Variants in PACRG observed in about 807,000 individuals in gnomAD.
PACRG encodes parkin coregulated, also known as parkin coregulated gene protein.
PACRG carries 29 observed loss-of-function variants against 29.7 expected under a neutral mutation model. The observed-to-expected ratio is 0.98, with a 90% CI of 0.73 to 1.33. PACRG has a LOEUF of 1.33. Among genes scored for constraint, PACRG ranks in the 40% most tolerant of loss-of-function variants. The pLI is 0.00. For missense variants in PACRG, 279 were observed against 316.2 expected (o/e 0.88, Z 0.89); for synonymous variants, 116 against 118.7 (o/e 0.98, Z 0.15).
At chr6:162,824,242 A>G (rs963245210) in intron 2 of PACRG, among the ~76,000 whole-genome samples, 1 of 152,134 alleles carries the variant, frequency 6.6e-6, no homozygotes, top group Non-Finnish European at 1.5e-5. Context: ...CAACTACTTC[A>G]AGGTAGCAGG....
At chr6:163,149,506 T>C (rs903709941) in intron 4 of PACRG, among the ~76,000 whole-genome samples, 1 of 152,134 alleles carries the variant, frequency 6.6e-6, no homozygotes, top group Admixed American at 6.5e-5. Flanking sequence ...CATGGGCTTT[T>C]CTATCCACCG....
Position 163,283,510 on chromosome 6 carries a change from C to T in PACRG, c.614-31317C>T, listed in dbSNP as rs566713287. 1.6e-4 allele frequency among the ~76,000 whole-genome samples: 24 copies of T among 152,298 alleles called. No individual in the cohort carries two copies. In the East Asian group the frequency reaches 4.6e-3, roughly 29 times the overall value. ...ATGTGTTAGGTTTTTCCAATAAAAA[C>T]AAATTTAGGGCCGGGCGCGGTGGCT... is the stretch of plus-strand genomic sequence containing the variant. On this transcript the variant is annotated intron_variant, in intron 4 of 4. Coordinates refer to ENST00000366888, the MANE Select transcript of PACRG (RefSeq NM_001080379.2).
intron 1 of PACRG, among the ~76,000 whole-genome samples, chr6:162,754,614 G>GTT (rs796664385): frequency 6.8e-6 from 1 of 146,748 alleles, no homozygotes; most frequent in African/African-American, 2.5e-5. Context: ...TTATAGTTAA[G>GTT]TTTTTTTTTT....
intron 3 of PACRG, among the ~76,000 whole-genome samples, chr6:163,080,215 T>C (rs970399458): frequency 2.0e-5 from 3 of 152,078 alleles, no homozygotes; most frequent in African/African-American, 7.3e-5. Flanking sequence ...TTCTTAGAAG[T>C]AGTGGTGCAT....
At chr6:162,760,337 A>G (rs890379228) in intron 1 of PACRG, among the ~76,000 whole-genome samples, 10 of 152,232 alleles carry the variant, frequency 6.6e-5, no homozygotes, top group African/African-American at 2.4e-4. Flanking sequence ...ACTACTGCAG[A>G]TGGAGTCAGC....
chr6:162,974,191 C>T (rs1432226739), intron 2 of PACRG, among the ~76,000 whole-genome samples: 1 of 152,188 alleles, frequency 6.6e-6, no homozygotes, highest in Non-Finnish European at 1.5e-5. Flanking sequence ...TGTCCTTTCT[C>T]ATTGCAGATG....
In PACRG at chr6:163,315,121, A is replaced by G. The variant is rs1785599191; in HGVS notation, c.*134A>G. The G allele has an allele frequency of 9.6e-7, 1 of 1,044,216 alleles. No individual in the cohort carries two copies. Among genetic ancestry groups the G allele is most frequent in the Non-Finnish European group, 1.4e-6 (1 of 723,754 alleles). The allele number at this position is 1,044,216 out of a possible 1,614,324, so 64.7% of individuals were successfully genotyped here. On this transcript the variant is annotated 3_prime_UTR_variant, in exon 5 of 5. Coordinates refer to ENST00000366888, the MANE Select transcript of PACRG (RefSeq NM_001080379.2). The stretch of plus-strand genomic sequence containing the variant: ...CTGCTAAAATAGTGGCTTATGGGCC[A>G]TTGGACTGTTAGCCCTATTGAGAGC...
intron 4 of PACRG, among the ~76,000 whole-genome samples, chr6:163,204,559 T>A (rs1290154485): frequency 6.6e-6 from 1 of 152,072 alleles, no homozygotes; most frequent in African/African-American, 2.4e-5. Flanking sequence ...CTGTAATGCA[T>A]GAAAGATCTA....
chr6:163,010,960 C>T (rs1159865490), intron 2 of PACRG, among the ~76,000 whole-genome samples: 36 of 152,210 alleles, frequency 2.4e-4, no homozygotes, highest in Non-Finnish European at 1.5e-5. Context: ...GGATCTGCTG[C>T]AGTGAGATGT....
At chr6:162,986,938 A>G (rs1159812979) in intron 2 of PACRG, among the ~76,000 whole-genome samples, 2 of 150,684 alleles carry the variant, frequency 1.3e-5, no homozygotes, top group Non-Finnish European at 3.0e-5. Flanking sequence ...TTTTTTTTCA[A>G]TTTTTTAAAG....
At chr6:163,090,608 C>G (rs1448219667) in intron 4 of PACRG, among the ~76,000 whole-genome samples, 5 of 152,122 alleles carry the variant, frequency 3.3e-5, no homozygotes. Context: ...TTGGAAAATA[C>G]TTATTTAAAC....
chr6:163,207,482 G>A (rs1205066926), intron 4 of PACRG, among the ~76,000 whole-genome samples: 2 of 152,148 alleles, frequency 1.3e-5, no homozygotes, highest in Non-Finnish European at 2.9e-5. Flanking sequence ...TCACATTTGT[G>A]CTCATTACAC....
chr6:163,308,002 T>C (rs1358521039), intron 4 of PACRG, among the ~76,000 whole-genome samples: 2 of 152,200 alleles, frequency 1.3e-5, no homozygotes, highest in Admixed American at 1.3e-4. Context: ...ACTATTTCTA[T>C]ATAGTAAATT....
intron 2 of PACRG, among the ~76,000 whole-genome samples, chr6:163,052,390 G>A (rs1351284981): frequency 6.6e-6 from 1 of 152,150 alleles, no homozygotes. Context: ...ATTGCTAATA[G>A]AAGCAAGGAT....
At chr6:163,262,796 C>G (rs1213478123) in intron 4 of PACRG, among the ~76,000 whole-genome samples, 1 of 151,520 alleles carries the variant, frequency 6.6e-6, no homozygotes, top group Non-Finnish European at 1.5e-5. Context: ...AATCCTAGCA[C>G]TTTGGGAGGC....
intron 2 of PACRG, among the ~76,000 whole-genome samples, chr6:162,871,174 A>G (rs1456254518): frequency 1.3e-5 from 2 of 152,186 alleles, no homozygotes; most frequent in Non-Finnish European, 2.9e-5. Flanking sequence ...CCTTTTAGGA[A>G]TTTCTTAATA....
At chr6:162,873,948 C>T (rs548209565) in intron 2 of PACRG, among the ~76,000 whole-genome samples, 2 of 152,154 alleles carry the variant, frequency 1.3e-5, no homozygotes, top group Middle Eastern at 3.4e-3. Context: ...TTTCAATAAA[C>T]GAAACCAAGC....
chr6:163,008,984 G>A (rs1000481846), intron 2 of PACRG, among the ~76,000 whole-genome samples: 3 of 152,112 alleles, frequency 2.0e-5, no homozygotes, highest in Admixed American at 6.5e-5. Flanking sequence ...TGGTACAAAA[G>A]GGAGGTGACA....
intron 4 of PACRG, among the ~76,000 whole-genome samples, chr6:163,288,885 T>C (rs1340489026): frequency 2.0e-5 from 3 of 152,186 alleles, no homozygotes; most frequent in Admixed American, 6.5e-5. Flanking sequence ...TGAATTCAGA[T>C]TGCATGTTCT....
Sources: gnomAD v4.1 joint callset for allele counts (sites outside exome capture counted in the v4.1 genomes callset) on GRCh38, gnomAD v4.1.1 for gene constraint, MANE v1.5 for transcripts, NCBI Gene and HGNC (gene_info 2026-07-23, HGNC 2026-07-21) for gene names.